Variants in CRYBG1 observed in about 807,000 individuals in gnomAD.
CRYBG1 encodes beta/gamma crystallin domain-containing protein 1.
In CRYBG1, 139 loss-of-function variants were observed where a neutral mutation model predicts 189.2. The ratio of observed to expected loss-of-function variants is 0.73; its 90% CI spans 0.64 to 0.85. The LOEUF (loss-of-function observed/expected upper bound fraction) is 0.85. Among genes scored for constraint, CRYBG1 ranks in the 40% least tolerant of loss-of-function variants. The pLI, the probability that CRYBG1 is intolerant of heterozygous loss-of-function variation, is 0.00. For missense variants in CRYBG1, 2,611 were observed against 2,675.8 expected, an observed-to-expected ratio of 0.98 and a Z score of 0.53; for synonymous variants, 1,023 against 1,017.1, an observed-to-expected ratio of 1.01 and a Z score of -0.11.
intron 4 of CRYBG1, among the ~76,000 whole-genome samples, chr6:106,524,002 G>A (rs995101070): frequency 1.3e-5 from 2 of 152,112 alleles, no homozygotes; most frequent in African/African-American, 2.4e-5. Context: ...AAAGTGCTGG[G>A]ATTACAGGTG....
At position 106,558,488 on chromosome 6, in the gene CRYBG1, A is replaced by G. The variant is rs762075811; in HGVS notation, c.5718A>G (p.Glu1906=). The G allele has an allele frequency of 1.3e-6, 2 of 1,587,160 alleles. No individual in the cohort carries two copies. The highest frequency in any genetic ancestry group is 4.5e-5 in the East Asian group (2 of 44,478). ...ACATTGTTTTTGTTCCTCAACAGGA[A>G]TTTTCTGAACCAACAATTATTCTCT... is the stretch of plus-strand genomic sequence containing the variant. ...TFKSLRFIDV[E]FSEPTIILFE... The change falls in exon 18 of 22, where the codon GAA becomes GAG. Residue 1906 remains glutamate (E), a splice_region_variant and synonymous_variant. Transcript: ENST00000633556.
At position 106,374,103 on chromosome 6, in the gene CRYBG1, T is replaced by G. The variant is rs114589671; in HGVS notation, c.173+13022T>G. ...CAAACATTTATAGACACCTGCTGTATGTGAGGCCCTGGAGTGTGGGCTGGC... is the reference window on the plus strand; with the variant it reads ...CAAACATTTATAGACACCTGCTGTAGGTGAGGCCCTGGAGTGTGGGCTGGC... On this transcript the variant is annotated intron_variant, in intron 1 of 21. Coordinates refer to ENST00000633556, the MANE Select transcript of CRYBG1 (RefSeq NM_001371242.2). Among the ~76,000 whole-genome samples the G allele has an allele frequency of 4.5e-3, 693 of 152,314 alleles. 9 individuals carry two copies. Among genetic ancestry groups the G allele is most frequent in the African/African-American group, 0.015 (625 of 41,550 alleles).
rs757889489 is a variant in CRYBG1 at position 106,568,474 on chromosome 6, G to A, written c.6304G>A (p.Gly2102Ser). The A allele has an allele frequency of 6.2e-6, 10 of 1,611,668 alleles. 1 individual carries two copies. Among genetic ancestry groups the A allele is most frequent in the Middle Eastern group, 3.3e-4 (2 of 6,080 alleles). Residue 2102 changes from glycine (G) to serine (S), a missense_variant and splice_region_variant, in exon 22 of 22, where the codon GGC becomes AGC. By Grantham distance (56) the Gly-to-Ser change is moderately conservative. This residue lies in a region of CRYBG1 where 1,622 missense variants were observed against 1,735.0 expected (regional missense o/e 0.93). Transcript: ENST00000633556. ...KPNLVLDIKG[G>S]TQYDQNHIIL... is the part of the protein sequence containing the mutation. ...TTTATTATTTTCCTTTCTTTTAGGG[G>A]GCACACAGTATGATCAAAATCACAT... is the stretch of plus-strand genomic sequence containing the variant.
At position 106,434,490 on chromosome 6, in the gene CRYBG1, A is replaced by G. The variant is rs1056732910; in HGVS notation, c.174-17204A>G. On this transcript the variant is annotated intron_variant, in intron 1 of 21. Transcript: ENST00000633556. ...ATAATTATCTGATAATACTGATTAG[A>G]GTTTTAGGAGTGCTTATTCCTCTTC... 2.6e-5 allele frequency among the ~76,000 whole-genome samples: 4 copies of G among 152,208 alleles called. No individual in the cohort carries two copies. In the East Asian group the frequency reaches 7.7e-4, roughly 29 times the overall value.
chr6:106,422,334 T>TTATG (rs1771142768), intron 1 of CRYBG1, among the ~76,000 whole-genome samples: 1 of 119,540 alleles, frequency 8.4e-6, no homozygotes, highest in Non-Finnish European at 1.8e-5. Flanking sequence ...ATTTATTTAT[T>TTATG]TATTTATTTA....
At chr6:106,504,761 T>A (rs1406608830) in intron 2 of CRYBG1, among the ~76,000 whole-genome samples, 2 of 152,126 alleles carry the variant, frequency 1.3e-5, no homozygotes, top group South Asian at 4.1e-4. Context: ...GTTAATTTAT[T>A]TTTAATGCCT....
At chr6:106,502,816 G>A (rs1322605499) in intron 2 of CRYBG1, among the ~76,000 whole-genome samples, 1 of 144,814 alleles carries the variant, frequency 6.9e-6, no homozygotes, top group African/African-American at 2.4e-5. Flanking sequence ...AAGCCAAGAA[G>A]GGCTAAAAAA....
At chr6:106,426,539 G>C (rs1033983421) in intron 1 of CRYBG1, among the ~76,000 whole-genome samples, 1 of 152,162 alleles carries the variant, frequency 6.6e-6, no homozygotes, top group Non-Finnish European at 1.5e-5. Context: ...AGGGTCTTGA[G>C]GTCTCAAATG....
intron 3 of CRYBG1, among the ~76,000 whole-genome samples, chr6:106,516,829 A>T (rs1196188404): frequency 6.6e-6 from 1 of 152,066 alleles, no homozygotes; most frequent in Non-Finnish European, 1.5e-5. Flanking sequence ...CAGCTGCATA[A>T]CCTCAGGGAG....
chr6:106,513,799 T>C (rs1255542498), intron 3 of CRYBG1, among the ~76,000 whole-genome samples: 1 of 152,158 alleles, frequency 6.6e-6, no homozygotes, highest in Admixed American at 6.5e-5. Flanking sequence ...AGTCCCTAAT[T>C]TATGTATCTT....
chr6:106,432,005 C>T (rs1771334282), intron 1 of CRYBG1, among the ~76,000 whole-genome samples: 1 of 152,154 alleles, frequency 6.6e-6, no homozygotes, highest in South Asian at 2.1e-4. Flanking sequence ...GGGTAGGACC[C>T]TGTTTTAGTG....
chr6:106,386,646 C>T (rs565771727), intron 1 of CRYBG1, among the ~76,000 whole-genome samples: 5 of 152,264 alleles, frequency 3.3e-5, no homozygotes, highest in African/African-American at 1.2e-4. Context: ...AAGGAGCATG[C>T]AGCCTAGATC....
At chr6:106,560,682 C>T in intron 18 of CRYBG1, 121 bp from the exon 19 acceptor site, 1 of 1,181,348 alleles carries the variant, frequency 8.5e-7, no homozygotes, top group African/African-American at 1.6e-5. Flanking sequence ...TCATTTTTCC[C>T]CCAATGTATG....
At chr6:106,407,464 T>C (rs1770848040) in intron 1 of CRYBG1, among the ~76,000 whole-genome samples, 1 of 152,066 alleles carries the variant, frequency 6.6e-6, no homozygotes, top group South Asian at 2.1e-4. Flanking sequence ...ACTGTCAATA[T>C]TACACAGATC....
chr6:106,542,532 G>A (rs1774156984), intron 10 of CRYBG1, among the ~76,000 whole-genome samples: 2 of 150,862 alleles, frequency 1.3e-5, no homozygotes, highest in Non-Finnish European at 3.0e-5. Context: ...CTCCTGCCTT[G>A]GCCTCCCAAA....
At chr6:106,553,395 C>A in intron 15 of CRYBG1, 60 bp from the exon 16 acceptor site, 2 of 1,163,900 alleles carry the variant, frequency 1.7e-6, no homozygotes, top group Non-Finnish European at 2.6e-6. Context: ...ATTTCAAAGG[C>A]TAAATTAGTT....
chr6:106,493,025 T>G (rs1772760830), intron 2 of CRYBG1, among the ~76,000 whole-genome samples: 1 of 152,084 alleles, frequency 6.6e-6, no homozygotes, highest in African/African-American at 2.4e-5. Context: ...ATTTTTATCC[T>G]TTTACATAGA....
intron 16 of CRYBG1, among the ~76,000 whole-genome samples, chr6:106,555,458 G>A (rs9486395): frequency 0.064 from 9,718 of 152,214 alleles, 397 homozygotes; most frequent in South Asian, 0.12. Flanking sequence ...TTGAGGGCTT[G>A]AAGCTCCACT....
In CRYBG1 at chr6:106,563,911, G is replaced by A. The variant is rs1181176204; in HGVS notation, c.6286G>A (p.Val2096Ile). 1.9e-6 allele frequency: 3 copies of A among 1,611,194 alleles called. No homozygotes were observed. Among genetic ancestry groups the A allele is most frequent in the Middle Eastern group, 3.3e-4 (2 of 6,054 alleles). The change falls in exon 21 of 22, where the codon GTT (valine) becomes ATT (isoleucine). Residue 2096 changes from valine to isoleucine, a missense_variant. Coordinates refer to ENST00000633556, the MANE Select transcript of CRYBG1 (RefSeq NM_001371242.2). ...TTACAGCAAGTTGAAGCCAAATTTA[G>A]TTTTAGACATTAAAGGTAAGGGTCA... The part of the protein sequence containing the change: ...RIYSKLKPNL[V>I]LDIKGGTQYD...
Sources: allele counts gnomAD v4.1 joint callset (sites outside exome capture counted in the v4.1 genomes callset), GRCh38; gene constraint gnomAD v4.1.1; regional missense constraint gnomAD v4.1.1; transcripts MANE v1.5; gene names NCBI Gene and HGNC (gene_info 2026-07-23, HGNC 2026-07-21).